The following PAG1 variants were observed in gnomAD, a reference collection of about 807,000 sequenced individuals.
PAG1 encodes the protein phosphoprotein membrane anchor with glycosphingolipid microdomains 1, also known as phosphoprotein associated with glycosphingolipid-enriched microdomains 1.
Under a neutral mutation model 31.7 loss-of-function variants are expected in PAG1, and 23 were observed. The observed-to-expected ratio is 0.73, with a 90% CI of 0.52 to 1.03. The LOEUF is 1.03. Among genes scored for constraint, PAG1 ranks in the 50% least tolerant of loss-of-function variants. The pLI, the probability that PAG1 is intolerant of heterozygous loss-of-function variation, is 0.00. For missense variants in PAG1, 473 were observed against 540.7 expected (o/e 0.87, Z 1.24); for synonymous variants, 214 against 210.3 (o/e 1.02, Z -0.15).
chr8:81,058,347 A>G (rs1401804635), intron 2 of PAG1, among the ~76,000 whole-genome samples: 1 of 152,216 alleles, frequency 6.6e-6, no homozygotes, highest in Non-Finnish European at 1.5e-5. Flanking sequence ...CTTGGGAAAA[A>G]CAAATTAAAA....
chr8:81,070,387 A>G (rs1173652898), intron 1 of PAG1, among the ~76,000 whole-genome samples: 1 of 152,258 alleles, frequency 6.6e-6, no homozygotes, highest in African/African-American at 2.4e-5. Flanking sequence ...TAAAACATCC[A>G]GACCTAAACA....
In PAG1 at chr8:81,089,396, G is replaced by A. The variant is rs921777709; in HGVS notation, c.-233-19226C>T. ...ATCCTGGCTAACACAGTGAAACCCC[G>A]TCTCTACTAAAAATACAAAAAATTA... On this transcript the variant is annotated intron_variant, in intron 1 of 8. Coordinates refer to ENST00000220597, the MANE Select transcript of PAG1 (RefSeq NM_018440.4). Among the ~76,000 whole-genome samples the A allele has an allele frequency of 4.6e-5, 7 of 151,964 alleles. No homozygotes were observed. In the South Asian group the frequency reaches 1.0e-3, roughly 22 times the overall value.
At chr8:81,082,336 A>G (rs954556933) in intron 1 of PAG1, among the ~76,000 whole-genome samples, 1 of 152,118 alleles carries the variant, frequency 6.6e-6, no homozygotes, top group Non-Finnish European at 1.5e-5. Context: ...ACATTAAAAA[A>G]TAAAAAGAAA....
intron 3 of PAG1, among the ~76,000 whole-genome samples, chr8:81,001,281 G>A (rs192623545): frequency 2.6e-5 from 4 of 152,370 alleles, no homozygotes; most frequent in African/African-American, 7.2e-5. Context: ...AACTGTAGCC[G>A]TAGTGTGTGG....
intron 2 of PAG1, among the ~76,000 whole-genome samples, chr8:81,064,379 G>A (rs943502879): frequency 6.6e-6 from 1 of 152,146 alleles, no homozygotes; most frequent in East Asian, 1.9e-4. Flanking sequence ...TGTGTGGCCT[G>A]GTTCCTGCAA....
chr8:81,055,783 C>T (rs1808809766), intron 2 of PAG1, among the ~76,000 whole-genome samples: 1 of 152,172 alleles, frequency 6.6e-6, no homozygotes, highest in South Asian at 2.1e-4. Flanking sequence ...TATAAGAATG[C>T]TTGTGATTTT....
intron 2 of PAG1, among the ~76,000 whole-genome samples, chr8:81,038,604 T>C (rs2130823200): frequency 6.6e-6 from 1 of 152,288 alleles, no homozygotes; most frequent in Non-Finnish European, 1.5e-5. Flanking sequence ...TAAAGTAGTT[T>C]GAAGTGTCTT....
At chr8:81,004,579 T>C (rs1332297358) in intron 3 of PAG1, among the ~76,000 whole-genome samples, 1 of 152,236 alleles carries the variant, frequency 6.6e-6, no homozygotes, top group Non-Finnish European at 1.5e-5. Flanking sequence ...AAGTTCCTAA[T>C]ACAGAGCTGT....
At chr8:80,977,026 G>A in intron 8 of PAG1, 120 bp from the exon 9 acceptor site, 2 of 852,128 alleles carry the variant, frequency 2.3e-6, no homozygotes, top group Non-Finnish European at 3.7e-6. Flanking sequence ...TTAAAGATTT[G>A]TTCTTTCTTA....
chr8:81,078,674 T>C (rs1809216019), intron 1 of PAG1, among the ~76,000 whole-genome samples: 1 of 152,144 alleles, frequency 6.6e-6, no homozygotes, highest in South Asian at 2.1e-4. Flanking sequence ...ACAGGCTATT[T>C]AGATGACACT....
chr8:81,051,725 T>C (rs868582701), intron 2 of PAG1, among the ~76,000 whole-genome samples: 8 of 152,260 alleles, frequency 5.3e-5, no homozygotes, highest in Admixed American at 1.3e-4. Context: ...TTTGATTTTA[T>C]GTAAATATTT....
Position 81,051,946 on chromosome 8 carries a change from C to T in PAG1, c.-175+18166G>A, listed in dbSNP as rs369861552. 1.0e-3 allele frequency among the ~76,000 whole-genome samples: 158 copies of T among 151,790 alleles called. 3 individuals are homozygous for T. In the South Asian group the frequency reaches 0.03, roughly 28 times the overall value. ...GAGATCGAGACCGTCCTGGCTAACACGGTGAAACCCCGTCTCTACTAAAAA... is the reference window on the plus strand; with the variant it reads ...GAGATCGAGACCGTCCTGGCTAACATGGTGAAACCCCGTCTCTACTAAAAA... On this transcript the variant is annotated intron_variant, in intron 2 of 8. Transcript: ENST00000220597.
chr8:81,071,706 A>T (rs553029247), intron 1 of PAG1, among the ~76,000 whole-genome samples: 1 of 152,350 alleles, frequency 6.6e-6, no homozygotes, highest in African/African-American at 2.4e-5. Flanking sequence ...AAAGGCAAAG[A>T]TGACAAGGCC....
chr8:80,978,424 T>C (rs963846585), intron 8 of PAG1, among the ~76,000 whole-genome samples: 5 of 152,220 alleles, frequency 3.3e-5, no homozygotes, highest in African/African-American at 4.8e-5. Context: ...AAAAATTATA[T>C]GTGGACAGAT....
At chr8:81,032,639 G>T (rs1327319470) in intron 2 of PAG1, among the ~76,000 whole-genome samples, 2 of 152,284 alleles carry the variant, frequency 1.3e-5, no homozygotes, top group East Asian at 3.9e-4. Context: ...GTAAAATAAC[G>T]CAGCTGCTTT....
chr8:80,979,235 C>G (rs1292599904), intron 8 of PAG1, among the ~76,000 whole-genome samples: 1 of 152,176 alleles, frequency 6.6e-6, no homozygotes, highest in East Asian at 1.9e-4. Context: ...ATTCCCAGAA[C>G]TCCTATATAT....
chr8:81,024,390 C>T (rs1231312050), intron 3 of PAG1, among the ~76,000 whole-genome samples: 1 of 152,196 alleles, frequency 6.6e-6, no homozygotes, highest in African/African-American at 2.4e-5. Flanking sequence ...CCCCGGGCTC[C>T]TGGCACACGG....
At chr8:81,093,015 G>A (rs1302332692) in intron 1 of PAG1, among the ~76,000 whole-genome samples, 1 of 152,172 alleles carries the variant, frequency 6.6e-6, no homozygotes, top group East Asian at 1.9e-4. Flanking sequence ...AGGCCTTAAT[G>A]TACGATACAT....
chr8:80,993,681 T>C (rs1807608651), intron 3 of PAG1, among the ~76,000 whole-genome samples: 1 of 151,658 alleles, frequency 6.6e-6, no homozygotes, highest in Admixed American at 6.6e-5. Flanking sequence ...CACTGCAGCC[T>C]TGACCTCCCT....
Sources: allele counts gnomAD v4.1 joint callset (sites outside exome capture counted in the v4.1 genomes callset), GRCh38; gene constraint gnomAD v4.1.1; transcripts MANE v1.5; gene names NCBI Gene and HGNC (gene_info 2026-07-23, HGNC 2026-07-21).